GRID1: variants seen among roughly 807,000 people sequenced by gnomAD.
GRID1 encodes the protein glutamate ionotropic receptor delta type subunit 1, also known as glutamate receptor ionotropic, delta-1.
In GRID1, 28 loss-of-function variants were observed where a neutral mutation model predicts 98.0. The ratio of observed to expected loss-of-function variants is 0.29; its 90% CI spans 0.21 to 0.39. The LOEUF is 0.39. Among genes scored for constraint, GRID1 ranks in the 10% least tolerant of loss-of-function variants. GRID1 has a pLI of 1.00. For missense variants in GRID1, 1,111 were observed against 1,340.5 expected, an observed-to-expected ratio of 0.83 and a Z score of 2.67; for synonymous variants, 553 against 538.5, an observed-to-expected ratio of 1.03 and a Z score of -0.37.
At chr10:85,890,491 C>G (rs1841184333) in intron 5 of GRID1, among the ~76,000 whole-genome samples, 1 of 152,166 alleles carries the variant, frequency 6.6e-6, no homozygotes, top group African/African-American at 2.4e-5. Context: ...TAACTCAGAT[C>G]TAAAATTCAT....
chr10:86,034,544 C>G (rs1405652012), intron 4 of GRID1, among the ~76,000 whole-genome samples: 5 of 152,036 alleles, frequency 3.3e-5, no homozygotes, highest in Middle Eastern at 3.2e-3. Flanking sequence ...GAATTCAAAT[C>G]CATTTCTGAC....
At chr10:86,111,028 CA>C (rs1844473324) in intron 4 of GRID1, among the ~76,000 whole-genome samples, 1 of 152,194 alleles carries the variant, frequency 6.6e-6, no homozygotes, top group Admixed American at 6.5e-5. Flanking sequence ...CATCTATTCA[CA>C]CAGATTTGTG....
At chr10:85,994,659 G>C (rs1842720144) in intron 4 of GRID1, among the ~76,000 whole-genome samples, 2 of 152,216 alleles carry the variant, frequency 1.3e-5, no homozygotes, top group Non-Finnish European at 1.5e-5. Context: ...TGATTACGCA[G>C]TTGTGGCAGT....
intron 3 of GRID1, among the ~76,000 whole-genome samples, chr10:86,154,440 G>A (rs1283081537): frequency 2.0e-5 from 3 of 152,170 alleles, no homozygotes; most frequent in African/African-American, 7.2e-5. Context: ...CTCCAGGAGA[G>A]TGATACAACA....
chr10:86,066,451 C>G (rs141376789), intron 4 of GRID1, among the ~76,000 whole-genome samples: 1 of 152,294 alleles, frequency 6.6e-6, no homozygotes, highest in African/African-American at 2.4e-5. Context: ...ACACTCATCC[C>G]CATTTTCCAG....
chr10:85,727,802 C>G (rs1841777728), intron 10 of GRID1, 53 bp downstream of exon 10: 1 of 1,358,120 alleles, frequency 7.4e-7, no homozygotes. Flanking sequence ...TTAGATATTA[C>G]CCCAGAGGAA....
At chr10:85,707,272 AAAAC>A (rs1468700118) in intron 12 of GRID1, among the ~76,000 whole-genome samples, 1 of 152,224 alleles carries the variant, frequency 6.6e-6, no homozygotes, top group Non-Finnish European at 1.5e-5. Context: ...ACAAGAAAAA[AAAAC>A]AAACAATCCC....
intron 3 of GRID1, among the ~76,000 whole-genome samples, chr10:86,147,066 A>T (rs1376697772): frequency 6.6e-6 from 1 of 152,214 alleles, no homozygotes; most frequent in Non-Finnish European, 1.5e-5. Context: ...TCAGGTGAGT[A>T]GAATGATGGT....
intron 2 of GRID1, among the ~76,000 whole-genome samples, chr10:86,297,156 A>G (rs1847605708): frequency 6.6e-6 from 1 of 152,212 alleles, no homozygotes; most frequent in Admixed American, 6.5e-5. Flanking sequence ...GTTATTCTAA[A>G]ATCATTTTGA....
At position 86,069,985 on chromosome 10, in the gene GRID1, G is replaced by A. The variant is rs185226170; in HGVS notation, c.726+68834C>T. On this transcript the variant is annotated intron_variant, in intron 4 of 15. Coordinates refer to ENST00000327946, the MANE Select transcript of GRID1 (RefSeq NM_017551.3). ...AGAAACTCCTGGGTCATTGTGGGTCGTGATATGGTGCCTGTAGAGGGCAAT... is the reference window on the plus strand; with the variant it reads ...AGAAACTCCTGGGTCATTGTGGGTCATGATATGGTGCCTGTAGAGGGCAAT... Among the ~76,000 whole-genome samples the A allele has an allele frequency of 3.5e-3, 529 of 152,300 alleles. 1 individual carries two copies. The highest frequency in any genetic ancestry group is 4.8e-3 in the Non-Finnish European group (325 of 68,024).
intron 3 of GRID1, among the ~76,000 whole-genome samples, chr10:86,158,979 C>T (rs60538095): frequency 9.9e-5 from 15 of 152,196 alleles, no homozygotes; most frequent in African/African-American, 3.4e-4. Flanking sequence ...CTGCAAGTTC[C>T]GCCTCCCGGG....
At chr10:85,646,663 G>T in intron 13 of GRID1, 1 of 157,838 alleles carries the variant, frequency 6.3e-6, no homozygotes, top group Non-Finnish European at 1.4e-5. Context: ...CTAAGGCTTT[G>T]CCCGGTAAGG....
At chr10:85,823,512 A>G (rs1305681486) in intron 8 of GRID1, among the ~76,000 whole-genome samples, 1 of 152,282 alleles carries the variant, frequency 6.6e-6, no homozygotes, top group East Asian at 1.9e-4. Flanking sequence ...GTCATGCTTA[A>G]AAGCTCCAAT....
At chr10:85,914,535 C>T (rs1055304744) in intron 5 of GRID1, among the ~76,000 whole-genome samples, 5 of 152,148 alleles carry the variant, frequency 3.3e-5, no homozygotes, top group Non-Finnish European at 5.9e-5. Flanking sequence ...AGCACAACCA[C>T]CTGCACCCCA....
At chr10:85,788,599 C>A (rs557206448) in intron 8 of GRID1, among the ~76,000 whole-genome samples, 36 of 152,328 alleles carry the variant, frequency 2.4e-4, no homozygotes, top group Admixed American at 9.1e-4. Flanking sequence ...TACCCACAGA[C>A]TTTTTCAGGC....
intron 2 of GRID1, among the ~76,000 whole-genome samples, chr10:86,334,892 G>A (rs143990514): frequency 1.2e-3 from 185 of 152,318 alleles, no homozygotes; most frequent in African/African-American, 4.3e-3. Flanking sequence ...CCAGCCAGCG[G>A]TGCTGGCAGG....
chr10:85,792,270 G>C (rs1043004552), intron 8 of GRID1, among the ~76,000 whole-genome samples: 4 of 152,172 alleles, frequency 2.6e-5, no homozygotes, highest in Non-Finnish European at 4.4e-5. Context: ...CACAGCAGCA[G>C]GAAGAAACAA....
At chr10:85,666,861 G>T (rs1357472807) in intron 12 of GRID1, among the ~76,000 whole-genome samples, 1 of 152,058 alleles carries the variant, frequency 6.6e-6, no homozygotes. Flanking sequence ...CATCCACCCA[G>T]GTCTCGCACT....
At chr10:85,993,347 A>G (rs1185847212) in intron 4 of GRID1, among the ~76,000 whole-genome samples, 1 of 152,240 alleles carries the variant, frequency 6.6e-6, no homozygotes, top group Non-Finnish European at 1.5e-5. Context: ...TAATTCTCCG[A>G]TCAATGGTAT....
Sources: gnomAD v4.1 joint callset for allele counts (sites outside exome capture counted in the v4.1 genomes callset) on GRCh38, gnomAD v4.1.1 for gene constraint, MANE v1.5 for transcripts, NCBI Gene and HGNC (gene_info 2026-07-23, HGNC 2026-07-21) for gene names.